CDH8: variants seen among roughly 807,000 people sequenced by gnomAD.
The protein encoded by CDH8 is cadherin 8.
In CDH8, 17 loss-of-function variants were observed where a neutral mutation model predicts 68.1. That is an observed-to-expected ratio of 0.25 (90% confidence interval 0.17 to 0.37). The LOEUF (loss-of-function observed/expected upper bound fraction) is 0.37. Among genes scored for constraint, CDH8 ranks in the 10% least tolerant of loss-of-function variants. CDH8 has a pLI of 1.00. For synonymous variants in CDH8, 372 were observed against 365.1 expected (o/e 1.02, Z -0.21); for missense variants, 763 against 999.3 (o/e 0.76, Z 3.19).
chr16:61,670,082 A>G (rs1963760392), intron 10 of CDH8, among the ~76,000 whole-genome samples: 1 of 151,974 alleles, frequency 6.6e-6, no homozygotes, highest in Non-Finnish European at 1.5e-5. Flanking sequence ...CCCATCTCCT[A>G]CAATCTCTTT....
rs559954509 is a variant in CDH8, at chr16:61,674,528, G to A, written c.1655-18807C>T. 1.2e-4 allele frequency among the ~76,000 whole-genome samples: 18 copies of A among 151,440 alleles called. No individual in the cohort carries two copies. In the South Asian group the frequency reaches 2.1e-3, roughly 18 times the overall value. On this transcript the variant is annotated intron_variant, in intron 10 of 11. Coordinates refer to ENST00000577390, the MANE Select transcript of CDH8 (RefSeq NM_001796.5). ...CTATTCATTTCTACCAAACTCAAGG[G>A]GCAATAAGAACTATAGTGAAATCCA...
At chr16:61,971,263 C>T (rs950324045) in intron 2 of CDH8, among the ~76,000 whole-genome samples, 2 of 152,234 alleles carry the variant, frequency 1.3e-5, no homozygotes, top group Non-Finnish European at 2.9e-5. Context: ...TGTCTTCACA[C>T]GGACGTGCAT....
chr16:61,731,784 A>G (rs190051466), intron 8 of CDH8, among the ~76,000 whole-genome samples: 1 of 151,992 alleles, frequency 6.6e-6, no homozygotes, highest in Admixed American at 6.6e-5. Context: ...AAAAGAAATC[A>G]TATGTGAGAG....
chr16:61,793,445 C>G (rs1040819183), intron 7 of CDH8, among the ~76,000 whole-genome samples: 1 of 151,782 alleles, frequency 6.6e-6, no homozygotes, highest in African/African-American at 2.4e-5. Context: ...CAGTGTTCCC[C>G]TTTATGTGTC....
At chr16:61,883,756 G>C (rs1326286817) in intron 3 of CDH8, among the ~76,000 whole-genome samples, 1 of 151,652 alleles carries the variant, frequency 6.6e-6, no homozygotes, top group African/African-American at 2.4e-5. Context: ...TTTACAACAA[G>C]ACCTCGAGAG....
chr16:61,967,997 A>T (rs1965281441), intron 2 of CDH8, among the ~76,000 whole-genome samples: 2 of 152,128 alleles, frequency 1.3e-5, no homozygotes, highest in South Asian at 4.1e-4. Context: ...TTTAGTGGAG[A>T]CAGGGTTTCA....
chr16:61,832,331 A>AATAGATAGATAGATAGATAG (rs35346881), intron 4 of CDH8, among the ~76,000 whole-genome samples: 3 of 143,082 alleles, frequency 2.1e-5, no homozygotes, highest in Non-Finnish European at 4.6e-5. Context: ...ACAGATAGAT[A>AATAGATAGATAGATAGATAG]ATAGATAGAT....
intron 1 of CDH8, among the ~76,000 whole-genome samples, chr16:62,029,084 TAA>T (rs1902263807): frequency 6.6e-6 from 1 of 152,114 alleles, no homozygotes; most frequent in Admixed American, 6.6e-5. Context: ...GTTCATGAAA[TAA>T]GTCACCTGGG....
At chr16:61,763,999 A>G (rs548607895) in intron 8 of CDH8, among the ~76,000 whole-genome samples, 2 of 152,302 alleles carry the variant, frequency 1.3e-5, no homozygotes, top group South Asian at 4.1e-4. Context: ...ATTCAAAGAT[A>G]AATAATTTAG....
intron 8 of CDH8, among the ~76,000 whole-genome samples, chr16:61,753,937 CT>C (rs1239991193): frequency 6.6e-6 from 1 of 151,992 alleles, no homozygotes; most frequent in East Asian, 1.9e-4. Context: ...TTATATATTA[CT>C]TTTTTATTTG....
chr16:61,817,872 A>G (rs1247771539), intron 6 of CDH8, 140 bp from the exon 7 acceptor site: 8 of 665,244 alleles, frequency 1.2e-5, no homozygotes, highest in African/African-American at 1.8e-5. Context: ...CCAGTCCCCC[A>G]GATTCAACCT....
intron 11 of CDH8, 97 bp from the exon 12 acceptor site, chr16:61,654,198 A>G (rs1210945664): frequency 2.9e-6 from 3 of 1,024,888 alleles, no homozygotes; most frequent in Admixed American, 4.9e-5. Flanking sequence ...TTTTTACAAA[A>G]TTGTATGAGC....
chr16:61,832,385 T>C (rs1014357423), intron 4 of CDH8, among the ~76,000 whole-genome samples: 2 of 150,694 alleles, frequency 1.3e-5, no homozygotes, highest in African/African-American at 4.8e-5. Flanking sequence ...GATAGATACA[T>C]AGAGAAATAG....
At chr16:61,955,079 G>T (rs985532239) in intron 2 of CDH8, among the ~76,000 whole-genome samples, 2 of 152,160 alleles carry the variant, frequency 1.3e-5, no homozygotes, top group African/African-American at 4.8e-5. Context: ...TGTAAGAAAA[G>T]GATTTGCACC....
intron 10 of CDH8, among the ~76,000 whole-genome samples, chr16:61,696,663 T>C (rs1312956765): frequency 4.6e-5 from 7 of 152,114 alleles, no homozygotes; most frequent in African/African-American, 7.2e-5. Flanking sequence ...GCATGCACTA[T>C]CACAGTAGCA....
At chr16:61,902,832 A>C (rs980764758) in intron 2 of CDH8, among the ~76,000 whole-genome samples, 1 of 152,178 alleles carries the variant, frequency 6.6e-6, no homozygotes, top group African/African-American at 2.4e-5. Context: ...AGATTACATC[A>C]AATATTTATT....
rs552005301 is a variant in CDH8, at chr16:61,800,743, T to G, written c.1278-11261A>C. ...TTGACAAATGAATGAAAATAGAAGC[T>G]CTCCATTTCCACCGTGCTCTCTTCT... On this transcript the variant is annotated intron_variant, in intron 7 of 11. Coordinates refer to ENST00000577390, the MANE Select transcript of CDH8 (RefSeq NM_001796.5). Among the ~76,000 whole-genome samples the G allele has an allele frequency of 2.8e-3, 430 of 152,210 alleles. 2 individuals carry two copies. The highest frequency in any genetic ancestry group is 9.8e-3 in the African/African-American group (408 of 41,534).
chr16:61,909,384 T>C (rs1964121792), intron 2 of CDH8, among the ~76,000 whole-genome samples: 1 of 152,210 alleles, frequency 6.6e-6, no homozygotes, highest in African/African-American at 2.4e-5. Context: ...TCTATGTGCA[T>C]TATTCATCAC....
At chr16:61,939,062 G>C (rs1485224532) in intron 2 of CDH8, among the ~76,000 whole-genome samples, 1 of 152,150 alleles carries the variant, frequency 6.6e-6, no homozygotes, top group Admixed American at 6.6e-5. Flanking sequence ...TAGAGAATAA[G>C]GCACTCATCT....
Sources: allele counts gnomAD v4.1 joint callset (sites outside exome capture counted in the v4.1 genomes callset), GRCh38; gene constraint gnomAD v4.1.1; transcripts MANE v1.5; gene names NCBI Gene and HGNC (gene_info 2026-07-23, HGNC 2026-07-21).